OR6N1: variants seen among roughly 807,000 people sequenced by gnomAD.
The protein encoded by OR6N1 is olfactory receptor 6N1.
For missense variants in OR6N1, 394 were observed against 371.7 expected (o/e 1.06, Z -0.49); for synonymous variants, 170 against 150.7 (o/e 1.13, Z -0.94).
At chr1:158,814,217 G>A in the OR6N1 span, among the ~76,000 whole-genome samples, 1 of 151,908 alleles carries the variant, frequency 6.6e-6, no homozygotes, top group Non-Finnish European at 1.5e-5. Context: ...TGATGCCTCT[G>A]CAGAGTTTGT....
chr1:158,811,188 A>G, the OR6N1 span, among the ~76,000 whole-genome samples: 2 of 152,100 alleles, frequency 1.3e-5, no homozygotes, highest in African/African-American at 4.8e-5. Flanking sequence ...TCCAGCTCCT[A>G]CCATGTCCCT....
chr1:158,813,158 A>G, the OR6N1 span, among the ~76,000 whole-genome samples: 2 of 152,226 alleles, frequency 1.3e-5, no homozygotes, highest in African/African-American at 4.8e-5. Context: ...CTTTTTATGC[A>G]TTGCTTATAG....
the OR6N1 span, among the ~76,000 whole-genome samples, chr1:158,779,018 CAAA>C: frequency 1.2e-5 from 1 of 86,394 alleles, no homozygotes; most frequent in Admixed American, 1.3e-4. Flanking sequence ...GACTGCGTCT[CAAA>C]AAAAAAAAAA....
chr1:158,793,168 C>A, the OR6N1 span, among the ~76,000 whole-genome samples: 38 of 151,826 alleles, frequency 2.5e-4, no homozygotes, highest in Admixed American at 2.2e-3. Flanking sequence ...ATTTTTTATG[C>A]ATATCCTGAA....
rs749301353 is a variant in OR6N1, at chr1:158,766,481, A to C, written c.202T>G (p.Phe68Val). The C allele has an allele frequency of 6.2e-7, 1 of 1,614,084 alleles. No homozygotes were observed. The stretch of plus-strand genomic sequence containing the variant: ...GCAGCTGTATAGCCAAGCTCTGAGA[A>C]GGAGAGAATGCTGACAAAGTGGTAC... ...PMYHFVSILS[F>V]SELGYTAATI... The change falls in exon 2 of 2, where the codon TTC becomes GTC. Residue 68 changes from phenylalanine (F) to valine (V), a missense_variant. Physicochemically the swap from Phe to Val is conservative, Grantham distance 50. Transcript: ENST00000641846.
chr1:158,769,068 T>C (rs1657347827), intron 1 of OR6N1, among the ~76,000 whole-genome samples: 1 of 152,178 alleles, frequency 6.6e-6, no homozygotes, highest in Admixed American at 6.6e-5. Flanking sequence ...TGCAAATCTA[T>C]TAAGATAACT....
the OR6N1 span, among the ~76,000 whole-genome samples, chr1:158,796,935 T>C: frequency 2.6e-5 from 4 of 151,944 alleles, no homozygotes; most frequent in Admixed American, 1.3e-4. Flanking sequence ...GGCAACTAAG[T>C]CCAGGTTTAC....
upstream of OR6N1, chr1:158,776,466 A>C (rs937265275): frequency 2.5e-6 from 1 of 399,680 alleles, no homozygotes; most frequent in African/African-American, 2.1e-5. Context: ...TTTTTAAAAA[A>C]AGAAGTATGT....
At chr1:158,766,840 C>G (rs1243558366) in intron 1 of OR6N1, 140 bp from the exon 2 acceptor site, 1 of 605,436 alleles carries the variant, frequency 1.7e-6, no homozygotes, top group Non-Finnish European at 2.9e-6. Context: ...GAGAGGTCAA[C>G]ATTTCAATTC....
rs907252629 is a variant in OR6N1, at chr1:158,772,169, G to C, written c.-167C>G. Reference sequence around the variant, plus strand: ...CCCAGCCATTCCCGGGGCCTGGAGGGGTTGAAGTTTATCACTTTGATGGAA... The same window carrying C: ...CCCAGCCATTCCCGGGGCCTGGAGGCGTTGAAGTTTATCACTTTGATGGAA... On this transcript the variant is annotated 5_prime_UTR_variant, in exon 1 of 2. Coordinates refer to ENST00000641846, the MANE Select transcript of OR6N1 (RefSeq NM_001005185.2). 1 of 152,140 alleles carries C rather than the reference G, an allele frequency of 6.6e-6. No homozygotes were observed. Among genetic ancestry groups the C allele is most frequent in the Non-Finnish European group, 1.5e-5 (1 of 68,052 alleles). 9.4% of individuals were successfully genotyped at this position (152,140 alleles called of 1,614,324 possible). A position where few individuals can be genotyped will look rare whatever the true frequency, so the allele number is the denominator to read the frequency against.
upstream of OR6N1, among the ~76,000 whole-genome samples, chr1:158,773,655 C>T (rs1467948334): frequency 6.6e-6 from 1 of 152,122 alleles, no homozygotes; most frequent in Non-Finnish European, 1.5e-5. Context: ...AAAATGATTT[C>T]ATCCACCCTC....
the OR6N1 span, among the ~76,000 whole-genome samples, chr1:158,839,577 C>G: frequency 6.6e-6 from 1 of 152,176 alleles, no homozygotes; most frequent in Non-Finnish European, 1.5e-5. Context: ...TTACTAGTCC[C>G]TCAAGGAACC....
chr1:158,814,228 G>T, the OR6N1 span, among the ~76,000 whole-genome samples: 3 of 151,858 alleles, frequency 2.0e-5, no homozygotes, highest in Admixed American at 6.6e-5. Context: ...CAGAGTTTGT[G>T]ATTTTAATAT....
chr1:158,807,223 G>T, the OR6N1 span, among the ~76,000 whole-genome samples: 1 of 152,120 alleles, frequency 6.6e-6, no homozygotes, highest in Non-Finnish European at 1.5e-5. Context: ...TAAATATTGG[G>T]ATGTTCTTCC....
At chr1:158,775,745 A>G (rs1232061524), upstream of OR6N1, 1 of 150,866 alleles carries the variant, frequency 6.6e-6, no homozygotes, top group Admixed American at 6.8e-5. Flanking sequence ...ATTTTGTGAA[A>G]AGATTGTTGG....
At chr1:158,811,973 G>A in the OR6N1 span, among the ~76,000 whole-genome samples, 7 of 152,182 alleles carry the variant, frequency 4.6e-5, no homozygotes, top group Non-Finnish European at 8.8e-5. Context: ...TTCTCATTCA[G>A]TCTTCTCCTG....
chr1:158,824,889 T>C, the OR6N1 span, among the ~76,000 whole-genome samples: 1 of 152,260 alleles, frequency 6.6e-6, no homozygotes, highest in South Asian at 2.1e-4. Flanking sequence ...AGAAATACCA[T>C]TTTGGACATA....
At chr1:158,837,447 C>A in the OR6N1 span, among the ~76,000 whole-genome samples, 1 of 151,732 alleles carries the variant, frequency 6.6e-6, no homozygotes, top group Non-Finnish European at 1.5e-5. Flanking sequence ...CTTTTTAACA[C>A]TATGTAATAT....
intron 1 of OR6N1, among the ~76,000 whole-genome samples, chr1:158,770,657 A>G (rs190564872): frequency 1.0e-3 from 147 of 145,988 alleles, no homozygotes; most frequent in African/African-American, 3.5e-3. Flanking sequence ...AAAAGAAAAA[A>G]CCTTTAAATA....
Sources: gnomAD v4.1 joint callset for allele counts (sites outside exome capture counted in the v4.1 genomes callset) on GRCh38, gnomAD v4.1.1 for gene constraint, MANE v1.5 for transcripts, NCBI Gene and HGNC (gene_info 2026-07-23, HGNC 2026-07-21) for gene names.